Variants in VCL observed in about 807,000 individuals in gnomAD.
VCL encodes the protein epididymis luminal protein 114.
A neutral mutation model predicts 125.7 loss-of-function variants in VCL; 47 were observed. The observed-to-expected ratio is 0.37, with a 90% CI of 0.30 to 0.48. The LOEUF is 0.48. Among genes scored for constraint, VCL ranks in the 20% least tolerant of loss-of-function variants. The pLI, the probability that VCL is intolerant of heterozygous loss-of-function variation, is 0.99. For missense variants in VCL, 1,069 were observed against 1,455.5 expected (o/e 0.73, Z 4.32); for synonymous variants, 458 against 514.6 (o/e 0.89, Z 1.49).
At chr10:74,025,058 C>T (rs1333664474) in intron 1 of VCL, among the ~76,000 whole-genome samples, 4 of 152,116 alleles carry the variant, frequency 2.6e-5, no homozygotes, top group African/African-American at 9.7e-5. Flanking sequence ...CAAAGTCTTG[C>T]TCTGTCACCC....
At chr10:74,029,387 A>G (rs1369313673) in intron 1 of VCL, among the ~76,000 whole-genome samples, 7 of 152,156 alleles carry the variant, frequency 4.6e-5, no homozygotes, top group Non-Finnish European at 4.4e-5. Context: ...TGCTGGGATT[A>G]CAGGCGTGAG....
At chr10:74,037,914 G>A (rs55947600) in intron 1 of VCL, among the ~76,000 whole-genome samples, 52,791 of 152,052 alleles carry the variant, frequency 0.35, 10,825 homozygotes, top group Non-Finnish European at 0.47. Flanking sequence ...ACTAGCCGTA[G>A]GTGGCAATTA....
At chr10:74,100,275 A>G (rs1414575217) in intron 13 of VCL, among the ~76,000 whole-genome samples, 1 of 152,246 alleles carries the variant, frequency 6.6e-6, no homozygotes, top group Non-Finnish European at 1.5e-5. Flanking sequence ...CTTGCACAGT[A>G]TCCCTGTTAA....
chr10:74,013,125 G>T (rs573625194), intron 1 of VCL, among the ~76,000 whole-genome samples: 1 of 152,068 alleles, frequency 6.6e-6, no homozygotes, highest in Non-Finnish European at 1.5e-5. Flanking sequence ...TAAAGTATTT[G>T]TTCAATAAAC....
intron 18 of VCL, among the ~76,000 whole-genome samples, chr10:74,110,532 A>G (rs1304599168): frequency 6.6e-6 from 1 of 152,188 alleles, no homozygotes; most frequent in Non-Finnish European, 1.5e-5. Flanking sequence ...CTGTCTTTGT[A>G]CACTGTGGGA....
At chr10:74,046,395 C>T (rs1472011091) in intron 2 of VCL, among the ~76,000 whole-genome samples, 2 of 152,070 alleles carry the variant, frequency 1.3e-5, no homozygotes, top group African/African-American at 4.8e-5. Flanking sequence ...CAGGTGTGTG[C>T]CACTATGCCC....
At position 74,114,926 on chromosome 10, in the gene VCL, G is replaced by A. The variant is rs1426461570; in HGVS notation, c.3258+27G>A. The A allele has an allele frequency of 3.8e-6, 6 of 1,561,340 alleles. 1 individual carries two copies. In the Admixed American group the frequency reaches 1.2e-4, roughly 30 times the overall value. On this transcript the variant is annotated intron_variant, in intron 21 of 21. Coordinates refer to ENST00000211998, the MANE Select transcript of VCL (RefSeq NM_014000.3). The stretch of plus-strand genomic sequence containing the variant: ...TATGTGGCAGCTGTTTTTGGTTTCT[G>A]GCTGGCAGCTTCTGTGCCGTTTTGC...
intron 2 of VCL, among the ~76,000 whole-genome samples, chr10:74,051,421 G>T (rs1841297806): frequency 6.6e-6 from 1 of 152,128 alleles, no homozygotes; most frequent in Non-Finnish European, 1.5e-5. Flanking sequence ...ATTTTTAGTA[G>T]AGATGGGATT....
At chr10:74,084,545 C>T (rs921630734) in intron 8 of VCL, among the ~76,000 whole-genome samples, 2 of 149,982 alleles carry the variant, frequency 1.3e-5, no homozygotes, top group Middle Eastern at 3.7e-3. Context: ...CCTTGGCTTC[C>T]AAAAGTGCTG....
intron 5 of VCL, 124 bp downstream of exon 5, chr10:74,072,976 CTGT>C (rs1161607665): frequency 3.6e-6 from 5 of 1,388,264 alleles, no homozygotes; most frequent in East Asian, 5.0e-5. Context: ...AAGTCTCACT[CTGT>C]TGCCAGGCTG....
chr10:74,006,794 A>G (rs367973475), intron 1 of VCL, among the ~76,000 whole-genome samples: 6 of 152,154 alleles, frequency 3.9e-5, no homozygotes, highest in Non-Finnish European at 7.4e-5. Flanking sequence ...CCTATCTCCA[A>G]TATAGCTCAT....
intron 18 of VCL, among the ~76,000 whole-genome samples, chr10:74,110,345 T>C (rs1481058572): frequency 1.3e-5 from 2 of 152,250 alleles, no homozygotes; most frequent in South Asian, 2.1e-4. Flanking sequence ...GCAGACAGCA[T>C]TGGCCCACAT....
chr10:74,109,585 T>TTTTTTTTC (rs1554819295), intron 18 of VCL, among the ~76,000 whole-genome samples: 1 of 151,808 alleles, frequency 6.6e-6, no homozygotes, highest in Admixed American at 6.6e-5. Flanking sequence ...TCTTTTTTTT[T>TTTTTTTTC]CCACAGAAGC....
Position 74,098,528 on chromosome 10 carries a change from GCTTT to G in VCL, c.1872+1200_1872+1203del, listed in dbSNP as rs1470153707. Among the ~76,000 whole-genome samples the G allele has an allele frequency of 2.0e-5, 3 of 152,286 alleles. No homozygotes were observed. In the East Asian group the frequency reaches 5.8e-4, roughly 29 times the overall value. ...TGGTGCTGAATGAGTGAAAATAGAG[GCTTT>G]CTTAGAAATTGTCCAGGAGAGCTTT... On this transcript the variant is annotated intron_variant, in intron 13 of 21. Coordinates refer to ENST00000211998, the MANE Select transcript of VCL (RefSeq NM_014000.3).
chr10:74,089,885 T>C (rs1839849732), intron 9 of VCL, 138 bp from the exon 10 acceptor site: 2 of 999,034 alleles, frequency 2.0e-6, no homozygotes, highest in Admixed American at 2.1e-5. Flanking sequence ...AGAACCTCCA[T>C]ACAATAATAA....
chr10:74,043,013 T>C (rs1278285937), intron 1 of VCL, 70 bp from the exon 2 acceptor site: 11 of 1,385,804 alleles, frequency 7.9e-6, no homozygotes, highest in Non-Finnish European at 1.1e-5. Flanking sequence ...ATGTTTCAAA[T>C]ATGCTTAAGT....
At chr10:74,101,710 C>G (rs929841046) in intron 14 of VCL, among the ~76,000 whole-genome samples, 2 of 151,622 alleles carry the variant, frequency 1.3e-5, no homozygotes, top group Non-Finnish European at 2.9e-5. Context: ...CGCCCGCCAC[C>G]GCGCCCGGCT....
At chr10:74,100,823 G>A in intron 13 of VCL, 125 bp from the exon 14 acceptor site, 2 of 1,142,264 alleles carry the variant, frequency 1.8e-6, no homozygotes, top group South Asian at 2.6e-5. Context: ...TTATTAACTA[G>A]GGTTTGATGT....
intron 14 of VCL, among the ~76,000 whole-genome samples, chr10:74,103,234 C>T (rs1389912463): frequency 5.3e-5 from 8 of 152,152 alleles, no homozygotes; most frequent in African/African-American, 1.9e-4. Flanking sequence ...TCCTAATGGA[C>T]TCTATTTGGA....
Sources: gnomAD v4.1 joint callset for allele counts (sites outside exome capture counted in the v4.1 genomes callset) on GRCh38, gnomAD v4.1.1 for gene constraint, MANE v1.5 for transcripts, NCBI Gene and HGNC (gene_info 2026-07-23, HGNC 2026-07-21) for gene names.